Variants in EPS15 observed in about 807,000 individuals in gnomAD.
EPS15 encodes epidermal growth factor receptor substrate 15.
Under a neutral mutation model 113.8 loss-of-function variants are expected in EPS15, and 72 were observed. The ratio of observed to expected loss-of-function variants is 0.63; its 90% confidence interval spans 0.52 to 0.77. The LOEUF (loss-of-function observed/expected upper bound fraction) is 0.77. Among genes scored for constraint, EPS15 ranks in the 30% least tolerant of loss-of-function variants. The pLI, the probability that EPS15 is intolerant of heterozygous loss-of-function variation, is 0.00. For missense variants in EPS15, 1,048 were observed against 1,045.8 expected (o/e 1.00, Z -0.03); for synonymous variants, 344 against 363.4 (o/e 0.95, Z 0.61).
chr1:51,411,917 T>G (rs1024758669), intron 13 of EPS15, among the ~76,000 whole-genome samples: 2 of 152,232 alleles, frequency 1.3e-5, no homozygotes, highest in African/African-American at 2.4e-5. Flanking sequence ...CGTATGTTTA[T>G]TGCAGCACTA....
rs558790529 is a variant in EPS15, at chr1:51,500,269, G to A, written c.33+18930C>T. 1.3e-3 allele frequency among the ~76,000 whole-genome samples: 202 copies of A among 152,296 alleles called. 2 individuals carry two copies. Among genetic ancestry groups the A allele is most frequent in the African/African-American group, 4.5e-3 (185 of 41,568 alleles). ...GCTATAAACACTGGTATACAAATGT[G>A]TTCAAGTCACTGCTTTCAATTCTTT... is the stretch of plus-strand genomic sequence containing the variant. On this transcript the variant is annotated intron_variant, in intron 1 of 24. Coordinates refer to ENST00000371733, the MANE Select transcript of EPS15 (RefSeq NM_001981.3).
At chr1:51,451,787 A>G (rs1205666273) in intron 8 of EPS15, among the ~76,000 whole-genome samples, 2 of 152,216 alleles carry the variant, frequency 1.3e-5, no homozygotes, top group African/African-American at 4.8e-5. Flanking sequence ...TCAGAGCATG[A>G]AAGTTTTCCA....
chr1:51,439,711 T>C (rs1448839681), intron 12 of EPS15, among the ~76,000 whole-genome samples: 3 of 152,088 alleles, frequency 2.0e-5, no homozygotes, highest in Non-Finnish European at 4.4e-5. Context: ...GAAAGAAGAT[T>C]CAACTTAGAA....
At chr1:51,512,843 C>CTTTT (rs59750666) in intron 1 of EPS15, among the ~76,000 whole-genome samples, 3 of 118,700 alleles carry the variant, frequency 2.5e-5, no homozygotes, top group African/African-American at 6.9e-5. Context: ...TGAGCAATAT[C>CTTTT]TTTTTTTTTT....
intron 21 of EPS15, among the ~76,000 whole-genome samples, chr1:51,386,107 A>G (rs1160978268): frequency 1.3e-5 from 2 of 152,234 alleles, no homozygotes; most frequent in Admixed American, 1.3e-4. Context: ...TCTACCCACT[A>G]GACTCCCATT....
At chr1:51,416,679 A>G (rs1010777681) in intron 13 of EPS15, among the ~76,000 whole-genome samples, 12 of 152,164 alleles carry the variant, frequency 7.9e-5, no homozygotes, top group Non-Finnish European at 1.5e-4. Context: ...GACATATGAA[A>G]AAATAAAACT....
intron 2 of EPS15, among the ~76,000 whole-genome samples, chr1:51,475,325 A>G (rs1158844438): frequency 6.6e-6 from 1 of 151,908 alleles, no homozygotes; most frequent in Non-Finnish European, 1.5e-5. Flanking sequence ...CTATTTCTCC[A>G]CATCCTCTCT....
At chr1:51,487,083 A>T (rs1461094336) in intron 1 of EPS15, among the ~76,000 whole-genome samples, 1 of 152,238 alleles carries the variant, frequency 6.6e-6, no homozygotes, top group Non-Finnish European at 1.5e-5. Context: ...AACTAAAAAC[A>T]TTATTGGTTA....
chr1:51,496,797 AAC>A (rs1644332020), intron 1 of EPS15, among the ~76,000 whole-genome samples: 1 of 152,190 alleles, frequency 6.6e-6, no homozygotes, highest in East Asian at 1.9e-4. Context: ...GAACTTGAGT[AAC>A]AGTCACTGGA....
intron 1 of EPS15, among the ~76,000 whole-genome samples, chr1:51,493,104 G>A (rs191073945): frequency 6.6e-6 from 1 of 152,236 alleles, no homozygotes; most frequent in Admixed American, 6.5e-5. Flanking sequence ...GCTCACGCCT[G>A]TAATCCCAGC....
Position 51,508,278 on chromosome 1 carries a change from GAGAA to G in EPS15, c.33+10917_33+10920del, listed in dbSNP as rs1293676448. On this transcript the variant is annotated intron_variant, in intron 1 of 24. Transcript: ENST00000371733. ...AGAGAGAGAGAGAGAGAGAGAAAGA[GAGAA>G]AGAGAGAAAGAGAGAGAGAGAAAGA... Among the ~76,000 whole-genome samples, 61 of 130,486 alleles carry G rather than the reference GAGAA, an allele frequency of 4.7e-4. No homozygotes were observed. In the East Asian group the frequency reaches 6.5e-3, roughly 14 times the overall value. 85.6% of individuals were successfully genotyped at this position (130,486 alleles called of 152,430 possible).
intron 23 of EPS15, among the ~76,000 whole-genome samples, chr1:51,362,978 C>CA (rs1328718424): frequency 1.3e-5 from 2 of 151,882 alleles, no homozygotes; most frequent in Non-Finnish European, 2.9e-5. Flanking sequence ...TAGAAACAAA[C>CA]AAAAATAAGA....
intron 1 of EPS15, among the ~76,000 whole-genome samples, chr1:51,506,364 C>G (rs1644499050): frequency 6.6e-6 from 1 of 152,172 alleles, no homozygotes; most frequent in African/African-American, 2.4e-5. Context: ...CAGAATTACA[C>G]TTTCCTAACT....
intron 12 of EPS15, among the ~76,000 whole-genome samples, chr1:51,424,923 A>T (rs950342411): frequency 6.6e-6 from 1 of 152,130 alleles, no homozygotes; most frequent in African/African-American, 2.4e-5. Context: ...AAAATAAAAT[A>T]AAAAAAGGTG....
chr1:51,460,956 A>G, intron 8 of EPS15, 135 bp downstream of exon 8: 1 of 606,244 alleles, frequency 1.6e-6, no homozygotes, highest in Non-Finnish European at 2.9e-6. Flanking sequence ...TCTGTCTCAA[A>G]AAGAAAAAAA....
chr1:51,464,465 C>G (rs12067763), intron 6 of EPS15, among the ~76,000 whole-genome samples: 8 of 152,136 alleles, frequency 5.3e-5, no homozygotes, highest in Admixed American at 3.3e-4. Flanking sequence ...TGGTCTCGAA[C>G]TCCTGACCTC....
intron 1 of EPS15, among the ~76,000 whole-genome samples, chr1:51,509,648 G>C (rs1309194167): frequency 6.6e-6 from 1 of 152,144 alleles, no homozygotes; most frequent in Non-Finnish European, 1.5e-5. Flanking sequence ...GTAAATATTG[G>C]TATGATGTAC....
chr1:51,389,332 G>A (rs1450381220), intron 21 of EPS15, among the ~76,000 whole-genome samples: 4 of 152,128 alleles, frequency 2.6e-5, no homozygotes, highest in African/African-American at 9.7e-5. Context: ...AATAATAAGA[G>A]CTATCTATGA....
chr1:51,449,589 T>G (rs552523680), intron 8 of EPS15, among the ~76,000 whole-genome samples: 16 of 151,912 alleles, frequency 1.1e-4, no homozygotes, highest in Non-Finnish European at 2.2e-4. Context: ...TTAAAAAAAT[T>G]CATTGTTCTT....
Sources: gnomAD v4.1 joint callset for allele counts (sites outside exome capture counted in the v4.1 genomes callset) on GRCh38, gnomAD v4.1.1 for gene constraint, MANE v1.5 for transcripts, NCBI Gene and HGNC (gene_info 2026-07-23, HGNC 2026-07-21) for gene names.